The following TBC1D1 variants were observed in gnomAD, a reference collection of about 807,000 sequenced individuals.
TBC1D1 encodes TBC1 (tre-2/USP6, BUB2, cdc16) domain family, member 1.
A neutral mutation model predicts 125.6 loss-of-function variants in TBC1D1; 89 were observed. The observed-to-expected ratio is 0.71, with a 90% CI of 0.60 to 0.85. The LOEUF (loss-of-function observed/expected upper bound fraction) is 0.85. TBC1D1 is among the 40% of genes least tolerant of loss of function. The pLI is 0.00. For synonymous variants in TBC1D1, 565 were observed against 564.1 expected, an observed-to-expected ratio of 1.00 and a Z score of -0.02; for missense variants, 1,377 against 1,469.2, an observed-to-expected ratio of 0.94 and a Z score of 1.03.
intron 12 of TBC1D1, among the ~76,000 whole-genome samples, chr4:38,077,687 T>C (rs1033799550): frequency 4.0e-5 from 6 of 151,058 alleles, no homozygotes; most frequent in African/African-American, 1.2e-4. Flanking sequence ...ATTAAAAGCC[T>C]GTAATTTCTC....
chr4:37,970,142 A>G (rs1401150005), intron 2 of TBC1D1, among the ~76,000 whole-genome samples: 1 of 152,200 alleles, frequency 6.6e-6, no homozygotes, highest in Non-Finnish European at 1.5e-5. Context: ...TTGTTGATCC[A>G]TTCATCAGTT....
chr4:37,910,151 T>A (rs1718283070), intron 2 of TBC1D1, among the ~76,000 whole-genome samples: 1 of 152,246 alleles, frequency 6.6e-6, no homozygotes, highest in Non-Finnish European at 1.5e-5. Flanking sequence ...TAGCTTTGCA[T>A]TTTTTACCAA....
chr4:38,038,593 T>A (rs917936586), intron 8 of TBC1D1, among the ~76,000 whole-genome samples: 3 of 152,164 alleles, frequency 2.0e-5, no homozygotes, highest in Admixed American at 1.3e-4. Flanking sequence ...AGTGTACCAT[T>A]TGTTGAGTTT....
intron 2 of TBC1D1, among the ~76,000 whole-genome samples, chr4:37,948,159 G>T (rs1727099137): frequency 6.6e-6 from 1 of 152,164 alleles, no homozygotes. Flanking sequence ...AGAAGAACGG[G>T]CAGGTCCAGA....
chr4:38,073,487 T>A (rs1331873716), intron 12 of TBC1D1, among the ~76,000 whole-genome samples: 1 of 152,258 alleles, frequency 6.6e-6, no homozygotes, highest in African/African-American at 2.4e-5. Context: ...TGGGCATCAT[T>A]TCATGTCCTG....
At chr4:38,132,999 C>T (rs1471694308) in intron 18 of TBC1D1, 85 bp from the exon 21 acceptor site, 2 of 1,186,666 alleles carry the variant, frequency 1.7e-6, no homozygotes, top group Non-Finnish European at 2.4e-6. Context: ...TTCACAGGTG[C>T]GCATTGTCGT....
chr4:38,072,148 G>T lies in TBC1D1; in HGVS notation c.2051-17784G>T, dbSNP rs551681113. 9.2e-5 allele frequency among the ~76,000 whole-genome samples: 14 copies of T among 152,306 alleles called. No homozygotes were observed. The East Asian group carries it at 2.3e-3, about 25-fold the overall frequency. On this transcript the variant is annotated intron_variant, in intron 12 of 19. Coordinates refer to ENST00000261439, the MANE Select transcript of TBC1D1 (RefSeq NM_015173.4). ...TATTGCATAATGAATGAGAGCTGGG[G>T]CCTAAATTAGGCACAAGTGCAAGCC...
chr4:37,939,244 T>C (rs1488173963), intron 2 of TBC1D1, among the ~76,000 whole-genome samples: 19 of 152,242 alleles, frequency 1.2e-4, no homozygotes, highest in Admixed American at 1.2e-3. Context: ...GATATCTCAT[T>C]GTGGTTTTGA....
At chr4:38,036,115 A>C (rs1364375671) in intron 8 of TBC1D1, among the ~76,000 whole-genome samples, 4 of 152,234 alleles carry the variant, frequency 2.6e-5, no homozygotes, top group African/African-American at 7.2e-5. Flanking sequence ...GCTAGGTCAC[A>C]AATCAGATAC....
intron 2 of TBC1D1, among the ~76,000 whole-genome samples, chr4:37,925,681 C>CAA (rs34337656): frequency 6.6e-5 from 7 of 106,538 alleles, no homozygotes; most frequent in South Asian, 3.0e-4. Flanking sequence ...GACTCCATCT[C>CAA]AAAAAAAAAA....
chr4:38,118,430 G>A (rs192491212), intron 17 of TBC1D1: 6 of 516,910 alleles, frequency 1.2e-5, no homozygotes, highest in South Asian at 7.0e-5. Context: ...GATCCGATCC[G>A]TGTAGATCCG....
At chr4:37,990,197 G>A (rs1041132076) in intron 2 of TBC1D1, among the ~76,000 whole-genome samples, 2 of 152,170 alleles carry the variant, frequency 1.3e-5, no homozygotes, top group Admixed American at 6.5e-5. Flanking sequence ...AAAGAAATAT[G>A]TAAGTTTCCA....
Position 38,103,096 on chromosome 4 carries a change from G to A in TBC1D1, c.2496G>A (p.Val832=), listed in dbSNP as rs780598959. The change falls in exon 15 of 20, where the codon GTG becomes GTA. Residue 832 remains valine (V), a synonymous_variant. Transcript: ENST00000261439. Reference sequence around the variant, plus strand: ...CCAGCAAACAGCAGCCAAAGGATGTGCCATACAAAGAACTCTTAAAGCAGC... The same window carrying A: ...CCAGCAAACAGCAGCCAAAGGATGTACCATACAAAGAACTCTTAAAGCAGC... The A allele has an allele frequency of 6.2e-7, 1 of 1,614,108 alleles. No individual in the cohort carries two copies. The highest frequency in any genetic ancestry group is 8.5e-7 in the Non-Finnish European group (1 of 1,180,022).
chr4:37,982,045 GT>G (rs1734432256), intron 2 of TBC1D1, among the ~76,000 whole-genome samples: 1 of 152,180 alleles, frequency 6.6e-6, no homozygotes, highest in Admixed American at 6.5e-5. Context: ...TATATGTTGA[GT>G]ACGAGTACAA....
intron 2 of TBC1D1, among the ~76,000 whole-genome samples, chr4:37,903,022 T>C (rs1716421620): frequency 6.6e-6 from 1 of 152,228 alleles, no homozygotes; most frequent in Non-Finnish European, 1.5e-5. Context: ...AATATAGTCA[T>C]TCGTAAACTG....
intron 18 of TBC1D1, among the ~76,000 whole-genome samples, chr4:38,128,121 A>G (rs1454506860): frequency 6.6e-6 from 1 of 152,202 alleles, no homozygotes; most frequent in Non-Finnish European, 1.5e-5. Context: ...GAGAAGGTAC[A>G]GGAATGAGAG....
intron 2 of TBC1D1, among the ~76,000 whole-genome samples, chr4:37,934,170 A>G (rs984702642): frequency 2.0e-5 from 3 of 152,174 alleles, no homozygotes; most frequent in Non-Finnish European, 4.4e-5. Flanking sequence ...AGGCTAGGGA[A>G]TGTGGAGGAA....
intron 12 of TBC1D1, among the ~76,000 whole-genome samples, chr4:38,087,026 GT>G (rs1374762057): frequency 1.3e-5 from 2 of 152,056 alleles, no homozygotes; most frequent in Admixed American, 1.3e-4. Flanking sequence ...CACCTTATTT[GT>G]TTTAGCTGGA....
intron 2 of TBC1D1, among the ~76,000 whole-genome samples, chr4:37,963,704 T>C (rs749714845): frequency 6.6e-6 from 1 of 152,222 alleles, no homozygotes; most frequent in Non-Finnish European, 1.5e-5. Context: ...CTGAAACTGC[T>C]AAGACTGGGT....
Sources: allele counts gnomAD v4.1 joint callset (sites outside exome capture counted in the v4.1 genomes callset), GRCh38; gene constraint gnomAD v4.1.1; transcripts MANE v1.5; gene names NCBI Gene and HGNC (gene_info 2026-07-23, HGNC 2026-07-21).